GALNTL6: variants seen among roughly 807,000 people sequenced by gnomAD.
The protein encoded by GALNTL6 is polypeptide N-acetylgalactosaminyltransferase-like 6.
A neutral mutation model predicts 73.7 loss-of-function variants in GALNTL6; 46 were observed. The ratio of observed to expected loss-of-function variants is 0.62; its 90% CI spans 0.49 to 0.80. The LOEUF (loss-of-function observed/expected upper bound fraction) is 0.80, where lower values mean the gene tolerates loss of function less well. Among genes scored for constraint, GALNTL6 ranks in the 30% least tolerant of loss-of-function variants. The pLI is 0.00. For synonymous variants in GALNTL6, 259 were observed against 263.7 expected, an observed-to-expected ratio of 0.98 and a Z score of 0.17; for missense variants, 604 against 755.0, an observed-to-expected ratio of 0.80 and a Z score of 2.34.
chr4:172,346,988 C>CTT (rs34332250), intron 4 of GALNTL6, among the ~76,000 whole-genome samples: 2,517 of 114,340 alleles, frequency 0.022, 120 homozygotes, highest in African/African-American at 0.069. Context: ...TGTTTTCTTT[C>CTT]TTTTTTTTTT....
intron 7 of GALNTL6, among the ~76,000 whole-genome samples, chr4:172,820,982 A>G (rs1433792986): frequency 6.6e-6 from 1 of 152,186 alleles, no homozygotes; most frequent in African/African-American, 2.4e-5. Flanking sequence ...GCTCTCCACA[A>G]CCACAACCAC....
At chr4:172,447,250 T>C (rs1732055950) in intron 5 of GALNTL6, among the ~76,000 whole-genome samples, 1 of 152,198 alleles carries the variant, frequency 6.6e-6, no homozygotes, top group Non-Finnish European at 1.5e-5. Context: ...CCTCCCTGCC[T>C]GCAGTGCCTT....
intron 2 of GALNTL6, among the ~76,000 whole-genome samples, chr4:172,173,481 C>G (rs889260483): frequency 6.6e-6 from 1 of 152,204 alleles, no homozygotes; most frequent in African/African-American, 2.4e-5. Context: ...TTTCTGCACC[C>G]CATGGCCACT....
chr4:172,176,337 C>CAAAAAAAAAAAA (rs562300659), intron 2 of GALNTL6, among the ~76,000 whole-genome samples: 1,707 of 31,342 alleles, frequency 0.054, 725 homozygotes, highest in East Asian at 0.11. Context: ...GACTCCGTCT[C>CAAAAAAAAAAAA]AAAAAAAAAA....
chr4:172,370,630 C>CAA (rs71592072), intron 5 of GALNTL6, among the ~76,000 whole-genome samples: 2,301 of 59,316 alleles, frequency 0.039, 110 homozygotes, highest in African/African-American at 0.093. Flanking sequence ...GACTCCATCT[C>CAA]AAAAAAAAAA....
intron 5 of GALNTL6, among the ~76,000 whole-genome samples, chr4:172,366,403 T>A (rs2111248832): frequency 6.6e-6 from 1 of 152,306 alleles, no homozygotes; most frequent in East Asian, 1.9e-4. Context: ...CACATTGTCA[T>A]ATTTTTATTT....
intron 5 of GALNTL6, among the ~76,000 whole-genome samples, chr4:172,773,953 G>C (rs10000379): frequency 0.52 from 78,864 of 151,826 alleles, 21,331 homozygotes; most frequent in East Asian, 0.78. Flanking sequence ...TACAGGTATT[G>C]TGATAGTTTA....
intron 2 of GALNTL6, among the ~76,000 whole-genome samples, chr4:171,872,064 CT>C (rs148367682): frequency 0.25 from 36,387 of 148,256 alleles, 5,381 homozygotes; most frequent in African/African-American, 0.42. Context: ...TGTTTAGATG[CT>C]TTTTTTTTTG....
intron 5 of GALNTL6, among the ~76,000 whole-genome samples, chr4:172,644,204 G>A (rs1345698398): frequency 6.6e-6 from 1 of 151,692 alleles, no homozygotes; most frequent in Non-Finnish European, 1.5e-5. Context: ...ATGTATATGT[G>A]TATGTACATA....
At chr4:172,447,232 CT>C (rs1483057148) in intron 5 of GALNTL6, among the ~76,000 whole-genome samples, 1 of 152,144 alleles carries the variant, frequency 6.6e-6, no homozygotes, top group African/African-American at 2.4e-5. Flanking sequence ...CAGAAATGTT[CT>C]TTCTTTCCTC....
intron 2 of GALNTL6, among the ~76,000 whole-genome samples, chr4:171,824,345 G>A (rs1157442171): frequency 6.6e-6 from 1 of 151,838 alleles, no homozygotes; most frequent in Non-Finnish European, 1.5e-5. Flanking sequence ...CAGACTCCCT[G>A]GTGTTAGTTC....
At chr4:171,814,821 A>G in intron 2 of GALNTL6, 103 bp downstream of exon 2, 1 of 1,157,238 alleles carries the variant, frequency 8.6e-7, no homozygotes, top group Non-Finnish European at 1.3e-6. Flanking sequence ...GTTTTCCCCC[A>G]AGTCTTGACA....
intron 2 of GALNTL6, among the ~76,000 whole-genome samples, chr4:171,818,903 A>G (rs1432086547): frequency 6.6e-6 from 1 of 152,080 alleles, no homozygotes; most frequent in African/African-American, 2.4e-5. Flanking sequence ...TTTGAACAAC[A>G]ATATTTTTTC....
At chr4:172,046,605 A>G (rs1742228632) in intron 2 of GALNTL6, among the ~76,000 whole-genome samples, 1 of 152,046 alleles carries the variant, frequency 6.6e-6, no homozygotes. Context: ...TTTAATTTAC[A>G]TTTTTCAAAT....
chr4:172,220,166 T>G (rs1736626680), intron 2 of GALNTL6, among the ~76,000 whole-genome samples: 1 of 151,562 alleles, frequency 6.6e-6, no homozygotes, highest in South Asian at 2.1e-4. Context: ...CTTGTTTGTG[T>G]TTTTTTTAAT....
intron 2 of GALNTL6, among the ~76,000 whole-genome samples, chr4:171,899,233 T>A (rs1351658795): frequency 2.0e-5 from 3 of 148,888 alleles, no homozygotes; most frequent in African/African-American, 7.5e-5. Flanking sequence ...CTGTTTGTGT[T>A]ACCCTATGGC....
At chr4:172,860,100 G>T (rs1744322122) in intron 7 of GALNTL6, among the ~76,000 whole-genome samples, 1 of 152,072 alleles carries the variant, frequency 6.6e-6, no homozygotes, top group Non-Finnish European at 1.5e-5. Context: ...CCATGAAATT[G>T]GTCCCTGGTG....
intron 7 of GALNTL6, among the ~76,000 whole-genome samples, chr4:172,841,982 T>C (rs1743238944): frequency 6.6e-6 from 1 of 152,102 alleles, no homozygotes; most frequent in South Asian, 2.1e-4. Context: ...CTGTTGTGAG[T>C]CCTTATAACT....
At chr4:171,918,074 C>T (rs1737678854) in intron 2 of GALNTL6, among the ~76,000 whole-genome samples, 1 of 152,072 alleles carries the variant, frequency 6.6e-6, no homozygotes, top group African/African-American at 2.4e-5. Flanking sequence ...GCCTGGGATT[C>T]ACTGATCTCT....
Sources: allele counts gnomAD v4.1 joint callset (sites outside exome capture counted in the v4.1 genomes callset), GRCh38; gene constraint gnomAD v4.1.1; transcripts MANE v1.5; gene names NCBI Gene and HGNC (gene_info 2026-07-23, HGNC 2026-07-21).